Variants in MOB3B observed in about 807,000 individuals in gnomAD.
The protein encoded by MOB3B is MOB kinase activator 3B, also known as MOB kinase activator-like 2B.
A neutral mutation model predicts 18.7 loss-of-function variants in MOB3B; 7 were observed. That is an observed-to-expected ratio of 0.37 (90% confidence interval 0.21 to 0.70). The LOEUF (loss-of-function observed/expected upper bound fraction) is 0.70. Among genes scored for constraint, MOB3B ranks in the 30% least tolerant of loss-of-function variants. The pLI is 0.52. For missense variants in MOB3B, 253 were observed against 281.3 expected, an observed-to-expected ratio of 0.90 and a Z score of 0.72; for synonymous variants, 111 against 99.9, an observed-to-expected ratio of 1.11 and a Z score of -0.66.
At chr9:27,401,586 C>A (rs527858432) in intron 2 of MOB3B, among the ~76,000 whole-genome samples, 1 of 152,288 alleles carries the variant, frequency 6.6e-6, no homozygotes, top group Non-Finnish European at 1.5e-5. Context: ...AAAAACTTGC[C>A]CTACAAGTAC....
chr9:27,431,668 C>G (rs751442133), intron 2 of MOB3B, among the ~76,000 whole-genome samples: 7 of 152,192 alleles, frequency 4.6e-5, no homozygotes, highest in Non-Finnish European at 7.3e-5. Context: ...TTCCAGTCTG[C>G]TTTTAAAGTT....
At chr9:27,371,083 G>T (rs1821409121) in intron 2 of MOB3B, among the ~76,000 whole-genome samples, 1 of 152,172 alleles carries the variant, frequency 6.6e-6, no homozygotes, top group South Asian at 2.1e-4. Flanking sequence ...TTGCATTGAT[G>T]TGGTTATTTT....
intron 1 of MOB3B, among the ~76,000 whole-genome samples, chr9:27,518,022 G>T (rs1256914548): frequency 6.6e-6 from 1 of 151,996 alleles, no homozygotes; most frequent in East Asian, 1.9e-4. Context: ...CCCAACCTCA[G>T]GCATTGTTCA....
chr9:27,406,050 C>T (rs1301484282), intron 2 of MOB3B, among the ~76,000 whole-genome samples: 4 of 152,112 alleles, frequency 2.6e-5, no homozygotes, highest in Non-Finnish European at 4.4e-5. Context: ...TTTTACTCAA[C>T]AGAGTACTGG....
At chr9:27,330,974 C>T (rs921088328) in intron 3 of MOB3B, among the ~76,000 whole-genome samples, 40 of 152,158 alleles carry the variant, frequency 2.6e-4, no homozygotes, top group African/African-American at 9.4e-4. Flanking sequence ...GCCACTCCCA[C>T]CTGACTTCCC....
intron 1 of MOB3B, chr9:27,524,204 T>C (rs975474401): frequency 2.5e-6 from 2 of 802,812 alleles, no homozygotes; most frequent in Admixed American, 3.7e-5. Flanking sequence ...GCCGCAACCT[T>C]GGTTAACTGT....
intron 3 of MOB3B, among the ~76,000 whole-genome samples, chr9:27,342,887 C>A (rs1373179994): frequency 2.0e-5 from 3 of 150,928 alleles, no homozygotes; most frequent in Admixed American, 6.6e-5. Context: ...CCGGCCGCCA[C>A]CCCGTCTGGG....
At chr9:27,478,810 GACACACACACACACACACACAC>G (rs34976107) in intron 1 of MOB3B, among the ~76,000 whole-genome samples, 1 of 141,308 alleles carries the variant, frequency 7.1e-6, no homozygotes, top group Non-Finnish European at 1.5e-5. Context: ...GGATTAAAAA[GACACACACACACACACACACAC>G]ACACACACAC....
chr9:27,442,412 T>G (rs1822608191), intron 2 of MOB3B, among the ~76,000 whole-genome samples: 1 of 152,262 alleles, frequency 6.6e-6, no homozygotes, highest in Admixed American at 6.5e-5. Flanking sequence ...GCGTTTTATC[T>G]GTTTTCTCCA....
rs117330378 is a variant in MOB3B, at chr9:27,508,383, T to C, written c.-199+21172A>G. Among the ~76,000 whole-genome samples, 131 of 152,244 alleles carry C rather than the reference T, an allele frequency of 8.6e-4. No homozygotes were observed. In the Middle Eastern group the frequency reaches 0.017, roughly 20 times the overall value. On this transcript the variant is annotated intron_variant, in intron 1 of 3. Transcript: ENST00000262244. ...CTTTTTCATCCATTAAGACAGAAGCTTCTCCAGAAGCTGAGGAATCCACGT... is the reference window on the plus strand; with the variant it reads ...CTTTTTCATCCATTAAGACAGAAGCCTCTCCAGAAGCTGAGGAATCCACGT...
chr9:27,492,956 C>T (rs1819843054), intron 1 of MOB3B, among the ~76,000 whole-genome samples: 1 of 152,120 alleles, frequency 6.6e-6, no homozygotes, highest in Non-Finnish European at 1.5e-5. Flanking sequence ...ATAAGTATTC[C>T]TATCTTACAG....
intron 1 of MOB3B, among the ~76,000 whole-genome samples, chr9:27,514,345 C>CAA (rs34526085): frequency 0.035 from 2,743 of 77,520 alleles, 176 homozygotes; most frequent in East Asian, 0.23. Flanking sequence ...ACCACAAGCT[C>CAA]AAAAAAAAAA....
Position 27,455,322 on chromosome 9 carries a change from T to A in MOB3B, c.229A>T (p.Thr77Ser). The change falls in exon 2 of 4, where the codon ACC becomes TCC. Residue 77 changes from threonine to serine, a missense_variant. Thr to Ser is a moderately conservative substitution (Grantham distance 58). Transcript: ENST00000262244. ...FFNRINLIYG[T>S]ICEFCTERTC... is the part of the protein sequence containing the mutation. ...CGCTCGGTGCAGAACTCACAGATGGTGCCATAGATGAGGTTGATCCGATTG... is the reference window on the plus strand; with the variant it reads ...CGCTCGGTGCAGAACTCACAGATGGAGCCATAGATGAGGTTGATCCGATTG... The A allele has an allele frequency of 6.2e-7, 1 of 1,614,026 alleles. No individual in the cohort carries two copies. Among genetic ancestry groups the A allele is most frequent in the Non-Finnish European group, 8.5e-7 (1 of 1,179,986 alleles).
At chr9:27,446,072 C>T (rs1050386051) in intron 2 of MOB3B, among the ~76,000 whole-genome samples, 1 of 152,148 alleles carries the variant, frequency 6.6e-6, no homozygotes, top group African/African-American at 2.4e-5. Context: ...GTTTTAATCA[C>T]AAAAGGCCTG....
intron 1 of MOB3B, 88 bp from the exon 2 acceptor site, chr9:27,455,836 C>G: frequency 1.6e-6 from 2 of 1,290,138 alleles, no homozygotes; most frequent in South Asian, 3.3e-5. Flanking sequence ...ACCTTGTGTT[C>G]TTGGCTGTGC....
At chr9:27,412,224 C>A (rs1822080172) in intron 2 of MOB3B, among the ~76,000 whole-genome samples, 1 of 151,380 alleles carries the variant, frequency 6.6e-6, no homozygotes, top group African/African-American at 2.4e-5. Context: ...CAAGGAGAGG[C>A]AGCCATACCT....
At chr9:27,399,730 A>C (rs1157444900) in intron 2 of MOB3B, among the ~76,000 whole-genome samples, 2 of 152,176 alleles carry the variant, frequency 1.3e-5, no homozygotes, top group Non-Finnish European at 2.9e-5. Context: ...TCCAAGCCTC[A>C]GACTCCTTTC....
At chr9:27,442,953 A>C (rs969915243) in intron 2 of MOB3B, among the ~76,000 whole-genome samples, 5 of 152,180 alleles carry the variant, frequency 3.3e-5, no homozygotes, top group African/African-American at 1.2e-4. Context: ...TGTTAGTATC[A>C]TTATTTTATA....
At chr9:27,416,782 T>C (rs1822156719) in intron 2 of MOB3B, among the ~76,000 whole-genome samples, 1 of 152,044 alleles carries the variant, frequency 6.6e-6, no homozygotes, top group African/African-American at 2.4e-5. Flanking sequence ...GTAATCCTCC[T>C]GCCTCAGCCT....
Sources: allele counts gnomAD v4.1 joint callset (sites outside exome capture counted in the v4.1 genomes callset), GRCh38; gene constraint gnomAD v4.1.1; transcripts MANE v1.5; gene names NCBI Gene and HGNC (gene_info 2026-07-23, HGNC 2026-07-21).